Variants in BICRA observed in about 807,000 individuals in gnomAD.
BICRA encodes BRD4 interacting chromatin remodeling complex associated protein, also known as BRD4-interacting chromatin-remodeling complex-associated protein.
In BICRA, 31 loss-of-function variants were observed where a neutral mutation model predicts 96.9. The ratio of observed to expected loss-of-function variants is 0.32; its 90% confidence interval spans 0.24 to 0.43. The LOEUF is 0.43. Ranked by LOEUF, BICRA falls within the 20% of genes least tolerant of loss-of-function variation. The pLI is 1.00. For synonymous variants in BICRA, 1,350 were observed against 1,071.8 expected, an observed-to-expected ratio of 1.26 and a Z score of -5.07; for missense variants, 2,283 against 2,190.3, an observed-to-expected ratio of 1.04 and a Z score of -0.84.
Position 47,679,580 on chromosome 19 carries a change from C to T in BICRA, c.410C>T (p.Ala137Val), listed in dbSNP as rs866927746. The change falls in exon 6 of 15, where the codon GCG becomes GTG. Residue 137 changes from alanine (A) to valine (V), a missense_variant. By Grantham distance (64) the Ala-to-Val change is moderately conservative. Coordinates refer to ENST00000594866, the MANE Select transcript of BICRA (RefSeq NM_001394372.1). ...TTCCAGCTGCCCACCCTGCAGCCTG[C>T]GGATGGCGGGGCAGGCCCGACGGGC... ...GPFQLPTLQP[A>V]DGGAGPTGAG... 6.5e-6 allele frequency: 10 copies of T among 1,540,718 alleles called. No homozygotes were observed. The highest frequency in any genetic ancestry group is 2.0e-5 in the Admixed American group (1 of 49,638).
intron 11 of BICRA, among the ~76,000 whole-genome samples, chr19:47,696,897 G>T (rs377583686): frequency 4.3e-4 from 65 of 152,148 alleles, no homozygotes; most frequent in African/African-American, 1.2e-3. Context: ...ATGATGGGGG[G>T]GGTGTTTGGG....
chr19:47,616,213 C>T (rs758360207), intron 1 of BICRA, among the ~76,000 whole-genome samples: 10 of 152,158 alleles, frequency 6.6e-5, no homozygotes, highest in Non-Finnish European at 1.3e-4. Context: ...GTATAGCAAG[C>T]GCCCAAAAAA....
intron 1 of BICRA, among the ~76,000 whole-genome samples, chr19:47,622,291 G>A (rs541341218): frequency 1.2e-3 from 181 of 151,270 alleles, no homozygotes; most frequent in African/African-American, 3.8e-3. Flanking sequence ...ATGGGGTTTC[G>A]CCGCCATGTT....
chr19:47,647,180 C>T (rs1047596735), intron 1 of BICRA, among the ~76,000 whole-genome samples: 4 of 152,172 alleles, frequency 2.6e-5, no homozygotes, highest in African/African-American at 9.6e-5. Flanking sequence ...TTTGTTTATC[C>T]GTTCAGTTGG....
chr19:47,680,491 G>A lies in BICRA; in HGVS notation c.1321G>A (p.Gly441Arg), dbSNP rs998299578. 7.8e-6 allele frequency: 12 copies of A among 1,542,170 alleles called. No homozygotes were observed. The Admixed American group carries it at 9.9e-5, about 13-fold the overall frequency. The change falls in exon 6 of 15, where the codon GGG (glycine) becomes AGG (arginine). Residue 441 changes from glycine to arginine, a missense_variant. Transcript: ENST00000594866. ...CGGAGCGGCCCCGCCGCAGCCCCCC[G>A]GGGCCCTGAGCAAACCCATGAGCGT... The part of the protein sequence containing the change: ...TTGAAPPQPP[G>R]ALSKPMSVHL...
In BICRA at chr19:47,681,088, C is replaced by A; in HGVS notation, c.1918C>A (p.Gln640Lys). ...AVSTPLPLGL[Q>K]QPQAQQPPQA... Reference sequence around the variant, plus strand: ...CAGCACACCCCTGCCCCTGGGCCTCCAGCAGCCGCAGGCGCAGCAGCCCCC... The same window carrying A: ...CAGCACACCCCTGCCCCTGGGCCTCAAGCAGCCGCAGGCGCAGCAGCCCCC... Residue 640 changes from glutamine to lysine, a missense_variant, in exon 6 of 15, where the codon CAG becomes AAG. Transcript: ENST00000594866. 6.9e-7 allele frequency: 1 copy of A among 1,446,718 alleles called. No homozygotes were observed. The highest frequency in any genetic ancestry group is 9.1e-7 in the Non-Finnish European group (1 of 1,099,094). 89.6% of individuals were successfully genotyped at this position (1,446,718 alleles called of 1,614,324 possible). A position where few individuals can be genotyped will look rare whatever the true frequency, so the allele number is the denominator to read the frequency against.
At chr19:47,614,103 C>A (rs753530628) in intron 1 of BICRA, among the ~76,000 whole-genome samples, 1 of 152,006 alleles carries the variant, frequency 6.6e-6, no homozygotes. Context: ...GGGTTTCATT[C>A]ATTCTGTCTG....
chr19:47,649,681 A>G (rs907958241), intron 1 of BICRA, among the ~76,000 whole-genome samples: 5 of 152,336 alleles, frequency 3.3e-5, no homozygotes, highest in South Asian at 4.1e-4. Flanking sequence ...GATATGGCCA[A>G]TGGTCAGATT....
intron 1 of BICRA, among the ~76,000 whole-genome samples, chr19:47,631,206 C>T (rs774384871): frequency 7.2e-5 from 11 of 152,000 alleles, no homozygotes; most frequent in Non-Finnish European, 1.6e-4. Flanking sequence ...AGATGTGCAC[C>T]ACCCCATCTG....
intron 1 of BICRA, among the ~76,000 whole-genome samples, chr19:47,645,354 G>A (rs527661259): frequency 6.6e-6 from 1 of 152,290 alleles, no homozygotes; most frequent in Non-Finnish European, 1.5e-5. Flanking sequence ...ATCGCTGGTT[G>A]GAATTTCCAG....
chr19:47,700,790 TCAAAAAAACAAACAAACAAACAAA>T (rs1973427980), intron 14 of BICRA: 1 of 88,546 alleles, frequency 1.1e-5, no homozygotes, highest in African/African-American at 4.1e-5. Context: ...TGAGACTGTC[TCAAAAAAACAAACAAACAAACAAA>T]CAAAAAACCT....
At chr19:47,671,147 C>A (rs1024516167) in intron 2 of BICRA, among the ~76,000 whole-genome samples, 1 of 152,208 alleles carries the variant, frequency 6.6e-6, no homozygotes, top group Admixed American at 6.5e-5. Context: ...AGATTTTTCA[C>A]AACTTGATTC....
chr19:47,666,124 G>A (rs547090167), intron 1 of BICRA, among the ~76,000 whole-genome samples: 3 of 152,316 alleles, frequency 2.0e-5, no homozygotes, highest in African/African-American at 7.2e-5. Context: ...CCCAAACGGA[G>A]GCACAGAGGG....
intron 1 of BICRA, among the ~76,000 whole-genome samples, chr19:47,659,780 C>T (rs1488714539): frequency 1.3e-5 from 2 of 151,894 alleles, no homozygotes; most frequent in Non-Finnish European, 2.9e-5. Flanking sequence ...GACAGGGTCT[C>T]CCTCTGTCAC....
At chr19:47,648,087 CCT>C (rs1451837435) in intron 1 of BICRA, among the ~76,000 whole-genome samples, 2 of 151,898 alleles carry the variant, frequency 1.3e-5, no homozygotes, top group South Asian at 4.2e-4. Context: ...TCTCCGTCTC[CCT>C]GTTTTCCTGT....
chr19:47,681,144 G>A lies in BICRA; in HGVS notation c.1974G>A (p.Pro658=). 4.3e-6 allele frequency: 5 copies of A among 1,175,526 alleles called. No individual in the cohort carries two copies. The highest frequency in any genetic ancestry group is 2.8e-4 in the Middle Eastern group (1 of 3,620). The allele number at this position is 1,175,526 out of a possible 1,614,324, so 72.8% of individuals were successfully genotyped here. Reference sequence around the variant, plus strand: ...CCCCCACCCCACAGGCCGCCGCCCCGCCTCAGGCCACCACCCCCCAGCCCA... The same window carrying A: ...CCCCCACCCCACAGGCCGCCGCCCCACCTCAGGCCACCACCCCCCAGCCCA... ...PQAPTPQAAA[P]PQATTPQPSP... Residue 658 remains proline (P), a synonymous_variant, in exon 6 of 15, where the codon CCG becomes CCA. Transcript: ENST00000594866.
At chr19:47,623,946 C>T (rs966795370) in intron 1 of BICRA, among the ~76,000 whole-genome samples, 4 of 151,278 alleles carry the variant, frequency 2.6e-5, no homozygotes, top group East Asian at 1.9e-4. Context: ...CTGCCTTCGG[C>T]GTTCAAGAGA....
chr19:47,640,316 G>C (rs554260294), intron 1 of BICRA, among the ~76,000 whole-genome samples: 2 of 152,272 alleles, frequency 1.3e-5, no homozygotes, highest in East Asian at 1.9e-4. Context: ...CAGATCACTT[G>C]AGGACAGGAG....
rs1430106314 is a variant in BICRA, at chr19:47,679,454, G to T, written c.284G>T (p.Gly95Val). The T allele has an allele frequency of 6.6e-7, 1 of 1,511,336 alleles. No homozygotes were observed. Among genetic ancestry groups the T allele is most frequent in the Admixed American group, 2.2e-5 (1 of 44,730 alleles). 93.6% of individuals were successfully genotyped at this position (1,511,336 alleles called of 1,614,324 possible). A position where few individuals can be genotyped will look rare whatever the true frequency, so the allele number is the denominator to read the frequency against. ...PATGGGGGGS[G>V]GADQPCDILQ... ...ACAGGGGGCGGCGGCGGGGGCAGTG[G>T]GGGCGCTGACCAGCCCTGTGACATC... Residue 95 changes from glycine to valine, a missense_variant, in exon 6 of 15, where the codon GGG (glycine) becomes GTG (valine). Coordinates refer to ENST00000594866, the MANE Select transcript of BICRA (RefSeq NM_001394372.1).
Sources: gnomAD v4.1 joint callset for allele counts (sites outside exome capture counted in the v4.1 genomes callset) on GRCh38, gnomAD v4.1.1 for gene constraint, MANE v1.5 for transcripts, NCBI Gene and HGNC (gene_info 2026-07-23, HGNC 2026-07-21) for gene names.